SRGAP2B: variants seen among roughly 807,000 people sequenced by gnomAD.
SRGAP2B encodes the protein SLIT-ROBO Rho GTPase activating protein 2B, also known as SLIT-ROBO Rho GTPase-activating protein 2B.
In SRGAP2B, 9 loss-of-function variants were observed where a neutral mutation model predicts 22.2. The observed-to-expected ratio is 0.41, with a 90% CI of 0.24 to 0.71. The LOEUF (loss-of-function observed/expected upper bound fraction) is 0.71. Among genes scored for constraint, SRGAP2B ranks in the 30% least tolerant of loss-of-function variants. The probability of loss-of-function intolerance (pLI) is 0.35; values close to 1 mark genes in which losing one functional copy is unlikely to be tolerated. For missense variants in SRGAP2B, 114 were observed against 235.8 expected (o/e 0.48, Z 3.38); for synonymous variants, 36 against 87.4 (o/e 0.41, Z 3.28).
chr1:144,975,087 C>G, intron 3 of SRGAP2B, among the ~76,000 whole-genome samples: 1 of 149,070 alleles, frequency 6.7e-6, no homozygotes, highest in East Asian at 1.9e-4. Flanking sequence ...GTCCCCATCA[C>G]TGACTTCTGC....
At chr1:144,975,061 T>C (rs587665728) in intron 3 of SRGAP2B, among the ~76,000 whole-genome samples, 21 of 148,060 alleles carry the variant, frequency 1.4e-4, no homozygotes, top group South Asian at 1.0e-3. Flanking sequence ...TTGTTCTCAG[T>C]GCATGTCTGG....
rs1392101624 is a variant in SRGAP2B at position 145,022,789 on chromosome 1, C to A, written c.68-27589G>T. Among the ~76,000 whole-genome samples, 4 of 149,022 alleles carry A rather than the reference C, an allele frequency of 2.7e-5. 1 individual carries two copies. The highest frequency in any genetic ancestry group is 1.0e-4 in the African/African-American group (4 of 39,276). The stretch of plus-strand genomic sequence containing the variant: ...AGGCAGAAAGATGATGGCATTTTCA[C>A]CTCACTTTCACGGAGTAGGGATATT... On this transcript the variant is annotated intron_variant, in intron 2 of 9. Transcript: ENST00000612199.
intron 2 of SRGAP2B, among the ~76,000 whole-genome samples, chr1:145,041,075 G>GTGTATA (rs1553627455): frequency 6.5e-5 from 5 of 76,472 alleles, no homozygotes; most frequent in Non-Finnish European, 9.8e-5. Context: ...TATATATATA[G>GTGTATA]TATATATATA....
chr1:144,970,196 A>C (rs1349371497), intron 3 of SRGAP2B, among the ~76,000 whole-genome samples: 1 of 141,256 alleles, frequency 7.1e-6, no homozygotes. Flanking sequence ...ACACATGCAC[A>C]CGTATGTTTA....
exon 10 of SRGAP2B, chr1:144,888,989 C>G (rs1429726951): frequency 1.4e-5 from 2 of 143,848 alleles, no homozygotes; most frequent in East Asian, 2.0e-4. Flanking sequence ...GAGTCTTACT[C>G]TGTCACCCAG....
intron 4 of SRGAP2B, among the ~76,000 whole-genome samples, chr1:144,942,994 A>G (rs1454362498): frequency 2.2e-5 from 3 of 133,632 alleles, no homozygotes; most frequent in African/African-American, 8.7e-5. Context: ...GATGTTATGT[A>G]TTTCCTGCTC....
chr1:145,024,125 A>AT (rs367637607), intron 2 of SRGAP2B, among the ~76,000 whole-genome samples: 17 of 39,366 alleles, frequency 4.3e-4, no homozygotes, highest in African/African-American at 6.7e-4. Flanking sequence ...GTTCACCAAG[A>AT]TTTTTTTTTA....
At chr1:145,023,120 T>C (rs1215465002) in intron 2 of SRGAP2B, among the ~76,000 whole-genome samples, 1 of 145,490 alleles carries the variant, frequency 6.9e-6, no homozygotes, top group Non-Finnish European at 1.5e-5. Flanking sequence ...TGAGCAGAGA[T>C]CGCGCCACTG....
At chr1:145,022,116 A>G (rs7540213) in intron 2 of SRGAP2B, among the ~76,000 whole-genome samples, 2 of 136,114 alleles carry the variant, frequency 1.5e-5, no homozygotes, top group Non-Finnish European at 3.1e-5. Flanking sequence ...GGAAAACCCC[A>G]GAAAGGATTT....
chr1:144,941,432 C>G (rs1186215440), intron 4 of SRGAP2B, among the ~76,000 whole-genome samples: 1 of 141,328 alleles, frequency 7.1e-6, no homozygotes, highest in Non-Finnish European at 1.5e-5. Flanking sequence ...CTGGAAGTTT[C>G]ATATTGAGTA....
At chr1:144,957,217 T>C (rs1333153604) in intron 3 of SRGAP2B, among the ~76,000 whole-genome samples, 1 of 150,990 alleles carries the variant, frequency 6.6e-6, no homozygotes, top group Non-Finnish European at 1.5e-5. Context: ...GCTTGGTTAT[T>C]GAGTCAGTAC....
chr1:144,988,815 C>T (rs1388909819), intron 3 of SRGAP2B, among the ~76,000 whole-genome samples: 1 of 147,238 alleles, frequency 6.8e-6, no homozygotes, highest in Admixed American at 6.7e-5. Context: ...CCATTCAAAA[C>T]AGATCTTCCC....
chr1:145,082,210 T>C (rs1277287627), intron 2 of SRGAP2B, among the ~76,000 whole-genome samples: 7 of 147,226 alleles, frequency 4.8e-5, no homozygotes, highest in African/African-American at 1.9e-4. Context: ...GAACCATTCA[T>C]TCACAACGTA....
chr1:144,892,419 G>A (rs1418563594), intron 9 of SRGAP2B, 38 bp from the exon 10 acceptor site: 1 of 656,784 alleles, frequency 1.5e-6, no homozygotes, highest in East Asian at 2.7e-5. Flanking sequence ...ATGAAGGGTG[G>A]GTTGTTAAAC....
chr1:145,076,528 T>G (rs1269282722), intron 2 of SRGAP2B, among the ~76,000 whole-genome samples: 1 of 150,012 alleles, frequency 6.7e-6, no homozygotes, highest in Non-Finnish European at 1.5e-5. Flanking sequence ...CAGACACTTG[T>G]GCTGAGTGAA....
At chr1:144,896,577 CT>C (rs1662350644) in intron 8 of SRGAP2B, among the ~76,000 whole-genome samples, 1 of 81,334 alleles carries the variant, frequency 1.2e-5, no homozygotes, top group African/African-American at 5.9e-5. Context: ...TCATCACAGT[CT>C]TCTAACTTCA....
At chr1:145,036,020 AT>A (rs1474372019) in intron 2 of SRGAP2B, among the ~76,000 whole-genome samples, 1 of 138,832 alleles carries the variant, frequency 7.2e-6, no homozygotes, top group Non-Finnish European at 1.5e-5. Flanking sequence ...AAAGTAATAC[AT>A]GCGAACAAAA....
intron 2 of SRGAP2B, among the ~76,000 whole-genome samples, chr1:145,029,626 G>GT (rs1648033775): frequency 6.9e-6 from 1 of 145,248 alleles, no homozygotes; most frequent in African/African-American, 2.6e-5. Flanking sequence ...ATTCATCCAT[G>GT]TTGTTTTGTA....
At chr1:144,968,434 A>T (rs1198979932) in intron 3 of SRGAP2B, among the ~76,000 whole-genome samples, 3 of 2,456 alleles carry the variant, frequency 1.2e-3, no homozygotes, top group African/African-American at 5.5e-3. Context: ...CTTTGACAAA[A>T]TTCAACAACC....
Sources: gnomAD v4.1 joint callset for allele counts (sites outside exome capture counted in the v4.1 genomes callset) on GRCh38, gnomAD v4.1.1 for gene constraint, MANE v1.5 for transcripts, NCBI Gene and HGNC (gene_info 2026-07-23, HGNC 2026-07-21) for gene names.